NRG1: variants seen among roughly 807,000 people sequenced by gnomAD.
NRG1 encodes neuregulin 1, also known as pro-neuregulin-1, membrane-bound isoform.
In NRG1, 18 loss-of-function variants were observed where a neutral mutation model predicts 63.8. That is an observed-to-expected ratio of 0.28 (90% CI 0.19 to 0.42). The LOEUF (loss-of-function observed/expected upper bound fraction) is 0.42. Ranked by LOEUF, NRG1 falls within the 10% of genes least tolerant of loss-of-function variation. NRG1 has a pLI of 1.00. For missense variants in NRG1, 762 were observed against 814.7 expected, an observed-to-expected ratio of 0.94 and a Z score of 0.79; for synonymous variants, 302 against 301.3, an observed-to-expected ratio of 1.00 and a Z score of -0.02.
chr8:32,069,507 C>T (rs1305456962), intron 1 of NRG1, among the ~76,000 whole-genome samples: 1 of 152,066 alleles, frequency 6.6e-6, no homozygotes, highest in Non-Finnish European at 1.5e-5. Context: ...GGTTGATGAA[C>T]TGGGTGGGTG....
chr8:32,326,882 T>C (rs895947030), intron 1 of NRG1, among the ~76,000 whole-genome samples: 2 of 152,156 alleles, frequency 1.3e-5, no homozygotes, highest in African/African-American at 4.8e-5. Context: ...AAACCTATGC[T>C]CAAGCAATAT....
Position 31,752,366 on chromosome 8 carries a change from T to G in NRG1, c.37+112935T>G, listed in dbSNP as rs142502850. Reference sequence around the variant, plus strand: ...GATTTTAGGTGTGATGAGAATGCATTAAGAGGTTTTGAGTGAAGAGGGGAT... The same window carrying G: ...GATTTTAGGTGTGATGAGAATGCATGAAGAGGTTTTGAGTGAAGAGGGGAT... On this transcript the variant is annotated intron_variant, in intron 1 of 10. Transcript: ENST00000519301. 9.1e-3 allele frequency among the ~76,000 whole-genome samples: 1,391 copies of G among 152,028 alleles called. 10 individuals carry two copies. Among genetic ancestry groups the G allele is most frequent in the Non-Finnish European group, 0.012 (808 of 67,956 alleles).
At chr8:32,236,640 C>T (rs1847589109) in intron 1 of NRG1, among the ~76,000 whole-genome samples, 1 of 152,158 alleles carries the variant, frequency 6.6e-6, no homozygotes, top group Non-Finnish European at 1.5e-5. Context: ...TCTCAGCTTA[C>T]TCGTTGCTCA....
intron 1 of NRG1, among the ~76,000 whole-genome samples, chr8:32,042,446 TA>T (rs113711705): frequency 6.6e-6 from 1 of 150,980 alleles, no homozygotes; most frequent in African/African-American, 2.4e-5. Flanking sequence ...ACCTAAAAAT[TA>T]AAAAAAACAA....
At chr8:32,647,612 C>T in intron 5 of NRG1, 2 of 1,447,020 alleles carry the variant, frequency 1.4e-6, no homozygotes, top group Admixed American at 2.5e-5. Context: ...TGGACTTGGA[C>T]GATTTATCGA....
intron 1 of NRG1, among the ~76,000 whole-genome samples, chr8:31,832,120 A>T (rs374501393): frequency 2.0e-5 from 3 of 152,140 alleles, no homozygotes; most frequent in African/African-American, 7.2e-5. Flanking sequence ...TGCATTGTGG[A>T]TTCTTCAGAT....
intron 1 of NRG1, among the ~76,000 whole-genome samples, chr8:32,117,370 T>G (rs1374502592): frequency 1.3e-5 from 2 of 152,142 alleles, no homozygotes; most frequent in Non-Finnish European, 2.9e-5. Context: ...GTGGTTTGGT[T>G]GTTGTCGAAT....
chr8:32,653,616 T>G (rs1368601590), intron 5 of NRG1, among the ~76,000 whole-genome samples: 1 of 152,234 alleles, frequency 6.6e-6, no homozygotes, highest in East Asian at 1.9e-4. Context: ...AATATATACA[T>G]AATTCTTCTA....
chr8:32,610,794 T>A (rs1846244970), intron 3 of NRG1, among the ~76,000 whole-genome samples: 1 of 152,274 alleles, frequency 6.6e-6, no homozygotes, highest in African/African-American at 2.4e-5. Flanking sequence ...AATGTAAAGC[T>A]TACAAAGACC....
Position 31,741,215 on chromosome 8 carries a change from T to C in NRG1, c.37+101784T>C, listed in dbSNP as rs1815235811. ...GGCAACAAGAGACTCTGGGGACCCT[T>C]AGGGGCAGGAGGGAACAGGGGGAGG... On this transcript the variant is annotated intron_variant, in intron 1 of 10. Transcript: ENST00000519301. Among the ~76,000 whole-genome samples, 4 of 151,960 alleles carry C rather than the reference T, an allele frequency of 2.6e-5. No individual in the cohort carries two copies. In the South Asian group the frequency reaches 8.3e-4, roughly 32 times the overall value.
rs141589433 is a variant in NRG1, at chr8:32,564,291, G to T, written c.100+15465G>T. On this transcript the variant is annotated intron_variant, in intron 1 of 11. Transcript: ENST00000356819. ...AGCAAGCATTGGGTGCTTCATGAAT[G>T]GCCTAAAAATATATTTAAGTCTATC... Among the ~76,000 whole-genome samples the T allele has an allele frequency of 5.6e-3, 845 of 152,246 alleles. 3 individuals are homozygous for T. Among genetic ancestry groups the T allele is most frequent in the Middle Eastern group, 0.027 (8 of 294 alleles).
intron 2 of NRG1, among the ~76,000 whole-genome samples, chr8:32,599,464 T>C (rs1483688300): frequency 6.6e-6 from 1 of 152,330 alleles, no homozygotes; most frequent in East Asian, 1.9e-4. Context: ...ATATGCAATT[T>C]CTATTATTTT....
Position 32,754,308 on chromosome 8 carries a change from G to T in NRG1, c.692-64G>T, listed in dbSNP as rs960973131. ...ATGTCATGCAGCATGCCCACTGTTT[G>T]GTTGTAGTCAGTCCTGGCAAGTGGA... On this transcript the variant is annotated intron_variant, in intron 7 of 11. Transcript: ENST00000356819. 74 of 1,377,592 alleles carry T rather than the reference G, an allele frequency of 5.4e-5. 1 individual carries two copies. The highest frequency in any genetic ancestry group is 7.3e-5 in the Non-Finnish European group (71 of 972,440). The allele number at this position is 1,377,592 out of a possible 1,614,324, so 85.3% of individuals were successfully genotyped here.
intron 1 of NRG1, among the ~76,000 whole-genome samples, chr8:32,047,123 C>T (rs1325378022): frequency 2.6e-5 from 4 of 151,836 alleles, no homozygotes; most frequent in Non-Finnish European, 2.9e-5. Context: ...CCTAAAGATC[C>T]GAGTTATAAT....
chr8:31,787,801 A>G (rs1186335111), intron 1 of NRG1, among the ~76,000 whole-genome samples: 1 of 152,134 alleles, frequency 6.6e-6, no homozygotes, highest in East Asian at 1.9e-4. Context: ...TAAAATATGA[A>G]TTTCATGCGG....
intron 1 of NRG1, among the ~76,000 whole-genome samples, chr8:32,078,540 A>T (rs1826954572): frequency 1.3e-5 from 2 of 152,102 alleles, no homozygotes; most frequent in African/African-American, 4.8e-5. Context: ...ACCTGACCTG[A>T]TTTGCTATAG....
chr8:32,156,399 C>A (rs569858487), intron 1 of NRG1, among the ~76,000 whole-genome samples: 18 of 152,332 alleles, frequency 1.2e-4, no homozygotes, highest in Non-Finnish European at 2.2e-4. Flanking sequence ...TACATTTGCT[C>A]ATGTCATACT....
chr8:31,938,974 GT>G (rs1481516517), intron 1 of NRG1, among the ~76,000 whole-genome samples: 5 of 152,142 alleles, frequency 3.3e-5, no homozygotes, highest in African/African-American at 9.7e-5. Context: ...AAATCTAAAA[GT>G]TTGGAAAGCA....
chr8:32,336,322 C>G (rs1214149420), intron 1 of NRG1, among the ~76,000 whole-genome samples: 3 of 152,024 alleles, frequency 2.0e-5, no homozygotes, highest in Non-Finnish European at 4.4e-5. Flanking sequence ...GAGTGAGATG[C>G]GGAAAACAGG....
Sources: gnomAD v4.1 joint callset for allele counts (sites outside exome capture counted in the v4.1 genomes callset) on GRCh38, gnomAD v4.1.1 for gene constraint, MANE v1.5 for transcripts, NCBI Gene and HGNC (gene_info 2026-07-23, HGNC 2026-07-21) for gene names.